AZI2: variants seen among roughly 807,000 people sequenced by gnomAD.
AZI2 encodes 5-azacytidine induced 2.
Under a neutral mutation model 45.8 loss-of-function variants are expected in AZI2, and 22 were observed. The observed-to-expected ratio is 0.48, with a 90% confidence interval of 0.34 to 0.69. The LOEUF (loss-of-function observed/expected upper bound fraction) is 0.69, where lower values mean the gene tolerates loss of function less well. Among genes scored for constraint, AZI2 ranks in the 30% least tolerant of loss-of-function variants. The pLI is 0.01. For synonymous variants in AZI2, 137 were observed against 156.7 expected, an observed-to-expected ratio of 0.87 and a Z score of 0.94; for missense variants, 417 against 441.5, an observed-to-expected ratio of 0.94 and a Z score of 0.50.
chr3:28,329,949 CTA>C (rs1230223446), intron 6 of AZI2, among the ~76,000 whole-genome samples: 2 of 151,210 alleles, frequency 1.3e-5, no homozygotes, highest in African/African-American at 4.8e-5. Flanking sequence ...CTTATTATAA[CTA>C]ATAAAATTTC....
At position 28,324,148 on chromosome 3, in the gene AZI2, C is replaced by T. The variant is rs749558733; in HGVS notation, c.1073G>A (p.Ser358Asn). The change falls in exon 8 of 8, where the codon AGT becomes AAT. Residue 358 changes from serine to asparagine, a missense_variant. Coordinates refer to ENST00000479665, the MANE Select transcript of AZI2 (RefSeq NM_022461.5). The part of the protein sequence containing the change: ...SWVFPSPPKS[S>N]ETAFGETKTK... ...TTTAGTTTCCCCAAATGCTGTCTCACTTGATTTAGGAGGACTTGGAAATAC... is the reference window on the plus strand; with the variant it reads ...TTTAGTTTCCCCAAATGCTGTCTCATTTGATTTAGGAGGACTTGGAAATAC... 1 of 1,610,628 alleles carries T rather than the reference C, an allele frequency of 6.2e-7. No homozygotes were observed. Among genetic ancestry groups the T allele is most frequent in the South Asian group, 1.1e-5 (1 of 90,994 alleles).
chr3:28,341,350 C>T (rs1704010783), intron 1 of AZI2, among the ~76,000 whole-genome samples: 1 of 152,048 alleles, frequency 6.6e-6, no homozygotes, highest in African/African-American at 2.4e-5. Context: ...GAATGTTAAG[C>T]TCTGTGAGGG....
rs771482821 is a variant in AZI2, at chr3:28,322,958, A to G, written c.*1084T>C. On this transcript the variant is annotated 3_prime_UTR_variant, in exon 8 of 8. Transcript: ENST00000479665. ...GTAAATCTCCACCCTGAAAGAACTT[A>G]AATTTCCATGTGAAGCCATCTTTAT... The G allele has an allele frequency of 6.6e-6, 1 of 151,132 alleles. No individual in the cohort carries two copies. Among genetic ancestry groups the G allele is most frequent in the Non-Finnish European group, 1.5e-5 (1 of 67,362 alleles). The allele number at this position is 151,132 out of a possible 1,614,324, so 9.4% of individuals were successfully genotyped here.
Position 28,340,522 on chromosome 3 carries a change from A to G in AZI2, c.96T>C (p.Asp32=), listed in dbSNP as rs769843204. 2.5e-6 allele frequency: 4 copies of G among 1,613,084 alleles called. No individual in the cohort carries two copies. In the East Asian group the frequency reaches 6.7e-5, roughly 27 times the overall value. Residue 32 remains aspartate, a synonymous_variant, in exon 2 of 8, where the codon GAT becomes GAC. Transcript: ENST00000479665. Reference sequence around the variant, plus strand: ...GAGCAAAATGGGAAGCAACAGATTCATCTCCTGAATATATTGAAACTGGAG... The same window carrying G: ...GAGCAAAATGGGAAGCAACAGATTCGTCTCCTGAATATATTGAAACTGGAG... ...TVTPVSIYSG[D]ESVASHFALV... is the part of the protein sequence containing the mutation.
At chr3:28,330,514 A>C (rs1314235642) in intron 6 of AZI2, among the ~76,000 whole-genome samples, 1 of 151,394 alleles carries the variant, frequency 6.6e-6, no homozygotes, top group Non-Finnish European at 1.5e-5. Flanking sequence ...AGTAACTTAC[A>C]AAGATTAACA....
intron 1 of AZI2, among the ~76,000 whole-genome samples, chr3:28,343,503 A>G (rs1167607338): frequency 6.6e-6 from 1 of 151,978 alleles, no homozygotes; most frequent in African/African-American, 2.4e-5. Context: ...AGGCCTGGAC[A>G]TGATTAAAGG....
At chr3:28,340,231 G>A (rs894849384) in intron 2 of AZI2, among the ~76,000 whole-genome samples, 171 bp downstream of exon 2, 2 of 151,954 alleles carry the variant, frequency 1.3e-5, no homozygotes, top group Non-Finnish European at 2.9e-5. Flanking sequence ...CAAGTACATG[G>A]TATGTGAAAC....
intron 1 of AZI2, among the ~76,000 whole-genome samples, chr3:28,346,987 TGTATTGCACAGA>T (rs1415966101): frequency 6.6e-6 from 1 of 152,232 alleles, no homozygotes; most frequent in African/African-American, 2.4e-5. Flanking sequence ...GAAATCAGTT[TGTATTGCACAGA>T]TCAAGACTCT....
intron 4 of AZI2, 113 bp downstream of exon 4, chr3:28,337,824 T>C: frequency 1.8e-6 from 1 of 571,168 alleles, no homozygotes; most frequent in Non-Finnish European, 2.7e-6. Flanking sequence ...AACCTAAAAA[T>C]TAAAAAATAA....
At position 28,340,603 on chromosome 3, in the gene AZI2, T is replaced by C. The variant is rs1703976186; in HGVS notation, c.15A>G (p.Val5=). The C allele has an allele frequency of 1.2e-6, 2 of 1,609,828 alleles. No individual in the cohort carries two copies. Among genetic ancestry groups the C allele is most frequent in the East Asian group, 2.2e-5 (1 of 44,714 alleles). The stretch of plus-strand genomic sequence containing the variant: ...GATTCAGAATACAGATATCATCTTC[T>C]ACCAGTGCATCCATGACAACTGTTT... The part of the protein sequence containing the change: MDAL[V]EDDICILNHE... The change falls in exon 2 of 8, where the codon GTA becomes GTG. Residue 5 remains valine, a synonymous_variant. Coordinates refer to ENST00000479665, the MANE Select transcript of AZI2 (RefSeq NM_022461.5).
rs946406914 is a variant in AZI2, at chr3:28,333,593, T to A, written c.589-1166A>T. Among the ~76,000 whole-genome samples, 4 of 151,718 alleles carry A rather than the reference T, an allele frequency of 2.6e-5. No individual in the cohort carries two copies. The Admixed American group carries it at 2.6e-4, about 10-fold the overall frequency. ...TTTTAAAGCCAACAATATAAAAAAA[T>A]TTGACAGTTTGAGTGGGAAAATGTT... On this transcript the variant is annotated intron_variant, in intron 5 of 7. Transcript: ENST00000479665.
chr3:28,324,656 T>C (rs191458065), intron 7 of AZI2: 3 of 422,462 alleles, frequency 7.1e-6, no homozygotes, highest in East Asian at 6.9e-5. Flanking sequence ...ACTGTGACTT[T>C]AGATATTTGT....
intron 1 of AZI2, among the ~76,000 whole-genome samples, chr3:28,347,878 T>G (rs1704321680): frequency 6.6e-6 from 1 of 152,224 alleles, no homozygotes; most frequent in Non-Finnish European, 1.5e-5. Context: ...AATTCCAATC[T>G]AAAAACCAAA....
chr3:28,336,950 A>G (rs1239617138), intron 4 of AZI2, 65 bp from the exon 5 acceptor site: 6 of 1,518,302 alleles, frequency 4.0e-6, no homozygotes, highest in Admixed American at 1.8e-5. Flanking sequence ...ATTCTTAAAA[A>G]TAGGTTATTC....
At chr3:28,339,268 G>A (rs535999741) in intron 2 of AZI2, among the ~76,000 whole-genome samples, 6 of 152,194 alleles carry the variant, frequency 3.9e-5, no homozygotes, top group African/African-American at 1.2e-4. Flanking sequence ...GTGAGCCACC[G>A]TGCCCAGCCA....
rs555587587 is a variant in AZI2 at position 28,325,789 on chromosome 3, A to G, written c.766+1043T>C. Among the ~76,000 whole-genome samples, 60 of 151,174 alleles carry G rather than the reference A, an allele frequency of 4.0e-4. 1 individual carries two copies. Among genetic ancestry groups the G allele is most frequent in the Non-Finnish European group, 7.7e-4 (52 of 67,346 alleles). On this transcript the variant is annotated intron_variant, in intron 7 of 7. Transcript: ENST00000479665. ...GTACATTCAACCTTTGGTCTCATAT[A>G]TAACTCTGACCACTGGAAAACTCAA...
chr3:28,333,877 A>G (rs956878793), intron 5 of AZI2, among the ~76,000 whole-genome samples: 4 of 151,604 alleles, frequency 2.6e-5, no homozygotes, highest in African/African-American at 9.7e-5. Flanking sequence ...CCTTTAATAT[A>G]CTACAGTACA....
At position 28,335,649 on chromosome 3, in the gene AZI2, G is replaced by C. The variant is rs1020097882; in HGVS notation, c.588+1088C>G. On this transcript the variant is annotated intron_variant, in intron 5 of 7. Transcript: ENST00000479665. The stretch of plus-strand genomic sequence containing the variant: ...ACTGCTATATTATTCTTAATGTCTG[G>C]CTCATTCTTATCGAGTGGTCACCTC... 3.3e-5 allele frequency among the ~76,000 whole-genome samples: 5 copies of C among 151,888 alleles called. No homozygotes were observed. The Admixed American group carries it at 3.3e-4, about 10-fold the overall frequency.
chr3:28,326,844 C>CA lies in AZI2; in HGVS notation c.753dup (p.Ala252CysfsTer13). 6.2e-7 allele frequency: 1 copy of CA among 1,606,446 alleles called. No homozygotes were observed. The highest frequency in any genetic ancestry group is 8.5e-7 in the Non-Finnish European group (1 of 1,174,054). ...AACAGTGACTTGCCTTTCTTGATTG[C>CA]AGTTGAGGTTTTCAGTTTTCTTAGT... On this transcript the variant is annotated frameshift_variant, in exon 7 of 8. Transcript: ENST00000479665. LOFTEE classifies it high-confidence loss of function.
Sources: gnomAD v4.1 joint callset for allele counts (sites outside exome capture counted in the v4.1 genomes callset) on GRCh38, gnomAD v4.1.1 for gene constraint, MANE v1.5 for transcripts, NCBI Gene and HGNC (gene_info 2026-07-23, HGNC 2026-07-21) for gene names.